The following THSD4 variants were observed in gnomAD, a reference collection of about 807,000 sequenced individuals.
THSD4 encodes thrombospondin type-1 domain-containing protein 4.
Under a neutral mutation model 119.0 loss-of-function variants are expected in THSD4, and 69 were observed. That is an observed-to-expected ratio of 0.58 (90% CI 0.48 to 0.71). The LOEUF is 0.71. Among genes scored for constraint, THSD4 ranks in the 30% least tolerant of loss-of-function variants. The pLI, the probability that THSD4 is intolerant of heterozygous loss-of-function variation, is 0.00. For missense variants in THSD4, 1,393 were observed against 1,391.1 expected, an observed-to-expected ratio of 1.00 and a Z score of -0.02; for synonymous variants, 524 against 540.4, an observed-to-expected ratio of 0.97 and a Z score of 0.42.
At chr15:71,337,863 C>A (rs528699785) in intron 6 of THSD4, among the ~76,000 whole-genome samples, 1 of 152,276 alleles carries the variant, frequency 6.6e-6, no homozygotes, top group Admixed American at 6.5e-5. Flanking sequence ...ATTCGAAGGT[C>A]AAATGGGGCT....
chr15:71,316,110 A>G (rs1165054535), intron 6 of THSD4, among the ~76,000 whole-genome samples: 2 of 152,142 alleles, frequency 1.3e-5, no homozygotes, highest in Admixed American at 6.5e-5. Context: ...CCTGTATGGA[A>G]ATCTGCTTGC....
chr15:71,350,103 T>C (rs2045723804), intron 6 of THSD4, among the ~76,000 whole-genome samples: 1 of 149,964 alleles, frequency 6.7e-6, no homozygotes, highest in African/African-American at 2.5e-5. Flanking sequence ...GGGAGATAGA[T>C]TTCCAGCCTT....
intron 7 of THSD4, among the ~76,000 whole-genome samples, chr15:71,613,013 A>T (rs1324273931): frequency 6.6e-6 from 1 of 152,232 alleles, no homozygotes; most frequent in Admixed American, 6.5e-5. Context: ...GGATTTGTGG[A>T]GTCTGCTTCC....
At chr15:71,130,394 C>A (rs1196989915) in intron 1 of THSD4, among the ~76,000 whole-genome samples, 1 of 152,088 alleles carries the variant, frequency 6.6e-6, no homozygotes, top group African/African-American at 2.4e-5. Flanking sequence ...GCCATGTTGT[C>A]CAGGCTGCTC....
chr15:71,520,562 T>G (rs2048425481), intron 7 of THSD4, among the ~76,000 whole-genome samples: 1 of 152,220 alleles, frequency 6.6e-6, no homozygotes, highest in Non-Finnish European at 1.5e-5. Flanking sequence ...ATGTTCATAT[T>G]TACACATTTC....
intron 7 of THSD4, among the ~76,000 whole-genome samples, chr15:71,541,274 C>T (rs2048756376): frequency 6.6e-6 from 1 of 152,118 alleles, no homozygotes; most frequent in South Asian, 2.1e-4. Flanking sequence ...TTTGCTTATA[C>T]CAAGTTTTCA....
chr15:71,208,864 T>A (rs1457367253), intron 3 of THSD4, among the ~76,000 whole-genome samples: 1 of 152,114 alleles, frequency 6.6e-6, no homozygotes. Context: ...TCATGACTAT[T>A]TAGAGAGGCA....
intron 6 of THSD4, among the ~76,000 whole-genome samples, chr15:71,373,566 T>C (rs528836490): frequency 2.6e-5 from 4 of 152,328 alleles, no homozygotes; most frequent in African/African-American, 9.6e-5. Context: ...TTTTGGGATC[T>C]TTTCTGGATC....
At chr15:71,141,251 C>G (rs932850094) in intron 1 of THSD4, among the ~76,000 whole-genome samples, 198 bp from the exon 2 acceptor site, 2 of 152,230 alleles carry the variant, frequency 1.3e-5, no homozygotes, top group African/African-American at 4.8e-5. Context: ...GGGTCAGGCA[C>G]TGTGCTGGTT....
At chr15:71,521,819 G>A (rs2048445571) in intron 7 of THSD4, among the ~76,000 whole-genome samples, 3 of 152,158 alleles carry the variant, frequency 2.0e-5, no homozygotes, top group African/African-American at 4.8e-5. Flanking sequence ...TTTTACAAAT[G>A]CATATTGAGT....
At chr15:71,686,162 A>G (rs1595862845) in intron 8 of THSD4, among the ~76,000 whole-genome samples, 1 of 152,310 alleles carries the variant, frequency 6.6e-6, no homozygotes, top group East Asian at 1.9e-4. Context: ...ATTATTGTAC[A>G]ACCATCAACA....
intron 7 of THSD4, among the ~76,000 whole-genome samples, chr15:71,625,812 G>A (rs2050498006): frequency 6.6e-6 from 1 of 152,180 alleles, no homozygotes; most frequent in South Asian, 2.1e-4. Flanking sequence ...TGGAGGGGGT[G>A]GAGACTAAGA....
chr15:71,762,595 C>G (rs2723348), intron 15 of THSD4, among the ~76,000 whole-genome samples: 1 of 152,242 alleles, frequency 6.6e-6, no homozygotes, highest in East Asian at 1.9e-4. Flanking sequence ...CCACCCCTGC[C>G]CCATCCTCAT....
chr15:71,780,824 G>T lies in THSD4; in HGVS notation c.*3450G>T. The T allele has an allele frequency of 2.2e-6, 1 of 455,240 alleles. No individual in the cohort carries two copies. The highest frequency in any genetic ancestry group is 2.4e-5 in the Admixed American group (1 of 42,198). The allele number at this position is 455,240 out of a possible 1,614,324, so 28.2% of individuals were successfully genotyped here. A position where few individuals can be genotyped will look rare whatever the true frequency, so the allele number is the denominator to read the frequency against. Reference sequence around the variant, plus strand: ...GTATTTAGCATTCAACACTCTTTTTGCTTTAAAAAGAATGGCCTTACAAAG... The same window carrying T: ...GTATTTAGCATTCAACACTCTTTTTTCTTTAAAAAGAATGGCCTTACAAAG... On this transcript the variant is annotated 3_prime_UTR_variant, in exon 18 of 18. Coordinates refer to ENST00000261862, the MANE Select transcript of THSD4 (RefSeq NM_024817.3).
chr15:71,286,140 C>T (rs1428472873), intron 6 of THSD4, among the ~76,000 whole-genome samples: 1 of 152,100 alleles, frequency 6.6e-6, no homozygotes, highest in Non-Finnish European at 1.5e-5. Flanking sequence ...TTACTGTTAT[C>T]TGTTATCAAT....
chr15:71,321,646 A>C (rs956340435), intron 6 of THSD4, among the ~76,000 whole-genome samples: 1 of 152,214 alleles, frequency 6.6e-6, no homozygotes, highest in Admixed American at 6.5e-5. Flanking sequence ...TCATATTCTA[A>C]GAATAGATTT....
intron 6 of THSD4, among the ~76,000 whole-genome samples, chr15:71,346,051 C>G (rs907732435): frequency 1.3e-5 from 2 of 152,186 alleles, no homozygotes; most frequent in Non-Finnish European, 2.9e-5. Context: ...ACCAGTTGTC[C>G]TGAGTGTCCC....
chr15:71,474,173 C>G (rs2047624838), intron 7 of THSD4, among the ~76,000 whole-genome samples: 2 of 152,158 alleles, frequency 1.3e-5, no homozygotes, highest in African/African-American at 4.8e-5. Flanking sequence ...ATTATTTGCA[C>G]ACAAATGGGA....
chr15:71,564,037 A>G (rs1195383668), intron 7 of THSD4, among the ~76,000 whole-genome samples: 1 of 152,200 alleles, frequency 6.6e-6, no homozygotes, highest in African/African-American at 2.4e-5. Flanking sequence ...TAAAAACTAA[A>G]TAGTTTTTTG....
Sources: allele counts gnomAD v4.1 joint callset (sites outside exome capture counted in the v4.1 genomes callset), GRCh38; gene constraint gnomAD v4.1.1; transcripts MANE v1.5; gene names NCBI Gene and HGNC (gene_info 2026-07-23, HGNC 2026-07-21).